The following GPC6 variants were observed in gnomAD, a reference collection of about 807,000 sequenced individuals.
GPC6 encodes the protein glypican-6.
A neutral mutation model predicts 55.2 loss-of-function variants in GPC6; 14 were observed. The ratio of observed to expected loss-of-function variants is 0.25; its 90% CI spans 0.17 to 0.40. The LOEUF (loss-of-function observed/expected upper bound fraction) is 0.40, where lower values mean the gene tolerates loss of function less well. Ranked by LOEUF, GPC6 falls within the 10% of genes least tolerant of loss-of-function variation. GPC6 has a pLI of 1.00. For synonymous variants in GPC6, 278 were observed against 259.6 expected (o/e 1.07, Z -0.68); for missense variants, 641 against 708.5 (o/e 0.90, Z 1.08).
chr13:93,750,291 T>G (rs1300330497), intron 2 of GPC6, among the ~76,000 whole-genome samples: 1 of 152,188 alleles, frequency 6.6e-6, no homozygotes, highest in African/African-American at 2.4e-5. Context: ...ACTTGGCTAT[T>G]TCTAGTAGCA....
At chr13:93,866,037 G>A (rs1216947359) in intron 3 of GPC6, among the ~76,000 whole-genome samples, 1 of 151,702 alleles carries the variant, frequency 6.6e-6, no homozygotes, top group East Asian at 2.0e-4. Context: ...CAGAGGCGGA[G>A]TCCTTGAAGC....
chr13:93,985,967 TC>T (rs1371110192), intron 3 of GPC6, among the ~76,000 whole-genome samples: 1 of 152,068 alleles, frequency 6.6e-6, no homozygotes, highest in Non-Finnish European at 1.5e-5. Flanking sequence ...TGTGACATTT[TC>T]CCCCTTTTAT....
chr13:93,388,094 G>C (rs988781172), intron 1 of GPC6, among the ~76,000 whole-genome samples: 2 of 152,148 alleles, frequency 1.3e-5, no homozygotes, highest in Non-Finnish European at 2.9e-5. Context: ...GATTGTCCCT[G>C]CTTTAGAGAT....
intron 3 of GPC6, among the ~76,000 whole-genome samples, chr13:93,983,423 T>C (rs1395095495): frequency 5.3e-5 from 8 of 151,904 alleles, no homozygotes; most frequent in Admixed American, 5.3e-4. Context: ...GTTTATTAAA[T>C]TCATCGTGTT....
rs375847116 is a variant in GPC6 at position 94,364,458 on chromosome 13, C to T, written c.1153-17956C>T. ...TGCAAGAAAGAATACAGTTTAGTCC[C>T]CCAATGCCATATGTCCCCATGGTGA... On this transcript the variant is annotated intron_variant, in intron 6 of 8. Coordinates refer to ENST00000377047, the MANE Select transcript of GPC6 (RefSeq NM_005708.5). Among the ~76,000 whole-genome samples, 20 of 152,246 alleles carry T rather than the reference C, an allele frequency of 1.3e-4. No individual in the cohort carries two copies. The East Asian group carries it at 3.5e-3, about 26-fold the overall frequency.
At chr13:94,389,466 G>A (rs1427440051) in intron 7 of GPC6, among the ~76,000 whole-genome samples, 3 of 152,090 alleles carry the variant, frequency 2.0e-5, no homozygotes, top group Non-Finnish European at 4.4e-5. Flanking sequence ...TCAGGCAGCA[G>A]CAAAAGAAAA....
At chr13:94,382,342 C>A in intron 6 of GPC6, 72 bp from the exon 7 acceptor site, 2 of 1,523,746 alleles carry the variant, frequency 1.3e-6, no homozygotes, top group Non-Finnish European at 1.8e-6. Flanking sequence ...CCCTCGCCTG[C>A]GTACGTCCTT....
At chr13:93,973,596 A>G (rs1043909265) in intron 3 of GPC6, among the ~76,000 whole-genome samples, 2 of 152,222 alleles carry the variant, frequency 1.3e-5, no homozygotes, top group Non-Finnish European at 2.9e-5. Context: ...ACAACAAAGC[A>G]TAGCCATCAT....
chr13:93,661,050 T>A (rs921668673), intron 2 of GPC6, among the ~76,000 whole-genome samples: 12 of 152,288 alleles, frequency 7.9e-5, no homozygotes, highest in Admixed American at 2.6e-4. Flanking sequence ...AAAGATTTAC[T>A]GCACTTCTTG....
At chr13:93,243,455 C>G (rs1207982118) in intron 1 of GPC6, among the ~76,000 whole-genome samples, 1 of 152,184 alleles carries the variant, frequency 6.6e-6, no homozygotes, top group East Asian at 1.9e-4. Context: ...ATGGACTGGT[C>G]TACAGGACTT....
chr13:93,819,846 A>G (rs998601057), intron 2 of GPC6, among the ~76,000 whole-genome samples: 5 of 152,214 alleles, frequency 3.3e-5, no homozygotes, highest in African/African-American at 1.2e-4. Flanking sequence ...TTTGGGAGAA[A>G]TAACCTACCA....
intron 2 of GPC6, among the ~76,000 whole-genome samples, chr13:93,823,843 A>G (rs1887139038): frequency 1.3e-5 from 2 of 152,196 alleles, no homozygotes; most frequent in Admixed American, 6.5e-5. Flanking sequence ...AAGTCCTAGG[A>G]ATAATTAGTT....
intron 2 of GPC6, among the ~76,000 whole-genome samples, chr13:93,788,518 TACACACAC>T (rs71203703): frequency 4.9e-4 from 73 of 148,030 alleles, no homozygotes; most frequent in African/African-American, 1.6e-3. Context: ...GTTCACTCTT[TACACACAC>T]ACACACACAC....
chr13:93,875,233 C>G (rs1889254191), intron 3 of GPC6, among the ~76,000 whole-genome samples: 2 of 152,106 alleles, frequency 1.3e-5, no homozygotes, highest in African/African-American at 4.8e-5. Flanking sequence ...GCAAAACTAT[C>G]CTGACCTGCC....
intron 6 of GPC6, among the ~76,000 whole-genome samples, chr13:94,339,975 C>T (rs996829785): frequency 2.0e-5 from 3 of 151,790 alleles, no homozygotes; most frequent in Non-Finnish European, 4.4e-5. Flanking sequence ...GTTGGTCAGT[C>T]TGGTCTCAAA....
At chr13:93,710,005 A>G (rs771316882) in intron 2 of GPC6, among the ~76,000 whole-genome samples, 3 of 151,828 alleles carry the variant, frequency 2.0e-5, no homozygotes, top group African/African-American at 7.2e-5. Context: ...AAGGGTTTAC[A>G]TAGCTTACTT....
At chr13:93,894,333 A>G (rs1422280993) in intron 3 of GPC6, among the ~76,000 whole-genome samples, 1 of 152,160 alleles carries the variant, frequency 6.6e-6, no homozygotes, top group Non-Finnish European at 1.5e-5. Flanking sequence ...TGGCTTTGTC[A>G]TGGGATTAAG....
chr13:94,328,005 G>C (rs1011139403), intron 6 of GPC6, among the ~76,000 whole-genome samples: 10 of 152,102 alleles, frequency 6.6e-5, no homozygotes, highest in Admixed American at 2.0e-4. Flanking sequence ...AATAGGAAAG[G>C]GTGATCTTTC....
chr13:93,939,321 A>C (rs1334643969), intron 3 of GPC6, among the ~76,000 whole-genome samples: 1 of 151,008 alleles, frequency 6.6e-6, no homozygotes, highest in African/African-American at 2.4e-5. Flanking sequence ...AAAATTATTT[A>C]ATATAAAACT....
Sources: allele counts gnomAD v4.1 joint callset (sites outside exome capture counted in the v4.1 genomes callset), GRCh38; gene constraint gnomAD v4.1.1; transcripts MANE v1.5; gene names NCBI Gene and HGNC (gene_info 2026-07-23, HGNC 2026-07-21).